KCNJ12: variants seen among roughly 807,000 people sequenced by gnomAD.
KCNJ12 encodes potassium inwardly rectifying channel subfamily J member 12.
Under a neutral mutation model 22.3 loss-of-function variants are expected in KCNJ12, and 2 were observed. The ratio of observed to expected loss-of-function variants is 0.09; its 90% CI spans 0.04 to 0.28. KCNJ12 has a LOEUF of 0.28. KCNJ12 is among the 10% of genes least tolerant of loss of function. KCNJ12 has a pLI of 1.00. For synonymous variants in KCNJ12, 117 were observed against 261.4 expected (o/e 0.45, Z 5.33); for missense variants, 155 against 633.3 (o/e 0.24, Z 8.11).
chr17:21,411,249 C>T (rs1461383304), intron 2 of KCNJ12, among the ~76,000 whole-genome samples: 13 of 152,298 alleles, frequency 8.5e-5, no homozygotes, highest in South Asian at 6.2e-4. Context: ...CCTTAGGTCA[C>T]GTGGCAGCTG....
chr17:21,391,886 G>A (rs1420069838), intron 1 of KCNJ12, among the ~76,000 whole-genome samples: 2 of 152,232 alleles, frequency 1.3e-5, no homozygotes, highest in African/African-American at 2.4e-5. Flanking sequence ...TTGGCCAGTG[G>A]GTGGGAGGGC....
chr17:21,394,769 G>A (rs930932565), intron 1 of KCNJ12, among the ~76,000 whole-genome samples: 4 of 152,214 alleles, frequency 2.6e-5, no homozygotes, highest in African/African-American at 4.8e-5. Context: ...GGAGGGGACC[G>A]GCCTGGCGTA....
At chr17:21,390,881 A>T (rs1905193947) in intron 1 of KCNJ12, among the ~76,000 whole-genome samples, 2 of 152,214 alleles carry the variant, frequency 1.3e-5, no homozygotes, top group Admixed American at 6.5e-5. Context: ...TAGTGCATTC[A>T]CACTGTCGTG....
Position 21,381,783 on chromosome 17 carries a change from C to G in KCNJ12, c.-179+4870C>G, listed in dbSNP as rs1383090702. Reference sequence around the variant, plus strand: ...TTTATTTGCTGATCTTGTTTACTGTCTATCTTTCCCTTGGAATAGGATCTC... The same window carrying G: ...TTTATTTGCTGATCTTGTTTACTGTGTATCTTTCCCTTGGAATAGGATCTC... On this transcript the variant is annotated intron_variant, in intron 1 of 2. Coordinates refer to ENST00000583088, the MANE Select transcript of KCNJ12 (RefSeq NM_021012.5). 3.3e-5 allele frequency among the ~76,000 whole-genome samples: 5 copies of G among 152,222 alleles called. No homozygotes were observed. The East Asian group carries it at 9.6e-4, about 29-fold the overall frequency.
chr17:21,380,453 G>C (rs918912410), intron 1 of KCNJ12, among the ~76,000 whole-genome samples: 2 of 152,298 alleles, frequency 1.3e-5, no homozygotes, highest in Admixed American at 6.5e-5. Flanking sequence ...GAGACTCTTG[G>C]ACAGACTCAG....
At chr17:21,410,458 A>C (rs1399690005) in intron 2 of KCNJ12, among the ~76,000 whole-genome samples, 1 of 152,204 alleles carries the variant, frequency 6.6e-6, no homozygotes, top group Non-Finnish European at 1.5e-5. Context: ...TGGAGCAGGC[A>C]CCTTGGGCGG....
chr17:21,378,872 G>A (rs1904768065), intron 1 of KCNJ12, among the ~76,000 whole-genome samples: 1 of 152,122 alleles, frequency 6.6e-6, no homozygotes, highest in South Asian at 2.1e-4. Flanking sequence ...AGGTTTCCAG[G>A]CTGCCCCGGA....
intron 2 of KCNJ12, among the ~76,000 whole-genome samples, chr17:21,413,585 C>T (rs566100226): frequency 5.5e-4 from 83 of 152,110 alleles, no homozygotes; most frequent in South Asian, 5.0e-3. Context: ...TCCCTGCTTC[C>T]AGCCTAGCCC....
intron 1 of KCNJ12, among the ~76,000 whole-genome samples, chr17:21,407,950 C>A (rs1326168346): frequency 3.3e-5 from 5 of 151,786 alleles, no homozygotes; most frequent in Admixed American, 3.3e-4. Flanking sequence ...ATCCATCCAC[C>A]TACCCATTCA....
At chr17:21,393,816 G>A (rs1372277587) in intron 1 of KCNJ12, among the ~76,000 whole-genome samples, 4 of 152,342 alleles carry the variant, frequency 2.6e-5, no homozygotes, top group African/African-American at 9.6e-5. Flanking sequence ...CCTCCACCCT[G>A]AGCAGTAGGG....
At chr17:21,395,293 G>GAAAAAAAAA (rs1161884090) in intron 1 of KCNJ12, among the ~76,000 whole-genome samples, 1 of 55,656 alleles carries the variant, frequency 1.8e-5, no homozygotes, top group African/African-American at 4.0e-5. Context: ...AGATCCTAAA[G>GAAAAAAAAA]AAAAAAAAAA....
intron 1 of KCNJ12, among the ~76,000 whole-genome samples, chr17:21,392,563 C>T (rs1252016598): frequency 2.0e-5 from 3 of 152,232 alleles, no homozygotes; most frequent in Non-Finnish European, 4.4e-5. Context: ...GGGCTGCACC[C>T]GGCACTGGCC....
intron 1 of KCNJ12, among the ~76,000 whole-genome samples, chr17:21,395,293 G>GAAAAAAA (rs1161884090): frequency 1.8e-5 from 1 of 55,676 alleles, no homozygotes; most frequent in Non-Finnish European, 5.3e-5. Context: ...AGATCCTAAA[G>GAAAAAAA]AAAAAAAAAA....
Position 21,415,537 on chromosome 17 carries a change from G to A in KCNJ12, c.195G>A (p.Gln65=). 1 of 1,614,284 alleles carries A rather than the reference G, an allele frequency of 6.2e-7. No homozygotes were observed. The highest frequency in any genetic ancestry group is 2.2e-5 in the East Asian group (1 of 44,896). ...TCGCCAACATGGACGAGAAGTCACA[G>A]CGCTACCTGGCTGACATGTTCACCA... ...IEFANMDEKS[Q]RYLADMFTTC... The change falls in exon 3 of 3, where the codon CAG becomes CAA. Residue 65 remains glutamine, a synonymous_variant. Coordinates refer to ENST00000583088, the MANE Select transcript of KCNJ12 (RefSeq NM_021012.5).
chr17:21,415,434 T>C lies in KCNJ12; in HGVS notation c.92T>C (p.Phe31Ser). ...GTCACCATGTCGGGCGCCAACGGCT[T>C]CGGCAACGGCAAGGTGCACACGCGG... ...HLVTMSGANG[F>S]GNGKVHTRRR... The change falls in exon 3 of 3, where the codon TTC (phenylalanine) becomes TCC (serine). Residue 31 changes from phenylalanine (F) to serine (S), a missense_variant. Phe to Ser is a radical substitution (Grantham distance 155). Coordinates refer to ENST00000583088, the MANE Select transcript of KCNJ12 (RefSeq NM_021012.5). The C allele has an allele frequency of 6.2e-7, 1 of 1,614,014 alleles. No individual in the cohort carries two copies. Among genetic ancestry groups the C allele is most frequent in the Non-Finnish European group, 8.5e-7 (1 of 1,180,046 alleles).
intron 1 of KCNJ12, among the ~76,000 whole-genome samples, chr17:21,395,313 A>AG (rs1315957725): frequency 6.9e-6 from 1 of 145,048 alleles, no homozygotes; most frequent in Admixed American, 6.8e-5. Context: ...AAAAAAAAAA[A>AG]ACGGCGCACA....
At chr17:21,379,084 A>G (rs1466917106) in intron 1 of KCNJ12, among the ~76,000 whole-genome samples, 2 of 152,200 alleles carry the variant, frequency 1.3e-5, no homozygotes, top group East Asian at 3.9e-4. Flanking sequence ...TCCTTGAAGC[A>G]GGACAAAGTA....
chr17:21,377,887 G>A (rs1284810042), intron 1 of KCNJ12, among the ~76,000 whole-genome samples: 1 of 152,110 alleles, frequency 6.6e-6, no homozygotes, highest in Non-Finnish European at 1.5e-5. Context: ...TTCCCAGGGG[G>A]CGTTCCCATC....
At chr17:21,407,552 C>T (rs1906031092) in intron 1 of KCNJ12, among the ~76,000 whole-genome samples, 1 of 152,070 alleles carries the variant, frequency 6.6e-6, no homozygotes, top group South Asian at 2.1e-4. Context: ...ATTCGTCTAT[C>T]CATCCATCCA....
Sources: gnomAD v4.1 joint callset for allele counts (sites outside exome capture counted in the v4.1 genomes callset) on GRCh38, gnomAD v4.1.1 for gene constraint, MANE v1.5 for transcripts, NCBI Gene and HGNC (gene_info 2026-07-23, HGNC 2026-07-21) for gene names.